EIF2AK4: variants seen among roughly 807,000 people sequenced by gnomAD.
EIF2AK4 encodes eukaryotic translation initiation factor 2 alpha kinase 4.
A neutral mutation model predicts 211.1 loss-of-function variants in EIF2AK4; 139 were observed. The ratio of observed to expected loss-of-function variants is 0.66; its 90% CI spans 0.57 to 0.76. EIF2AK4 has a LOEUF of 0.76. Among genes scored for constraint, EIF2AK4 ranks in the 30% least tolerant of loss-of-function variants. The probability of loss-of-function intolerance (pLI) is 0.00; values close to 1 mark genes in which losing one functional copy is unlikely to be tolerated. For synonymous variants in EIF2AK4, 710 were observed against 751.3 expected (o/e 0.94, Z 0.90); for missense variants, 1,664 against 2,043.8 (o/e 0.81, Z 3.58).
chr15:39,965,863 G>T lies in EIF2AK4; in HGVS notation c.1017+20G>T. On this transcript the variant is annotated intron_variant, in intron 8 of 38. Coordinates refer to ENST00000263791, the MANE Select transcript of EIF2AK4 (RefSeq NM_001013703.4). ...AAGCAGGTAAGCATCCAAGGTGGCT[G>T]ACTGAGCAAAAGGCCTAATCTCAGG... The T allele has an allele frequency of 6.2e-7, 1 of 1,612,606 alleles. No homozygotes were observed. Among genetic ancestry groups the T allele is most frequent in the Non-Finnish European group, 8.5e-7 (1 of 1,179,648 alleles).
chr15:39,967,890 C>T lies in EIF2AK4; in HGVS notation c.1553+11C>T, dbSNP rs144441657. The T allele has an allele frequency of 1.2e-5, 19 of 1,612,360 alleles. No homozygotes were observed. The highest frequency in any genetic ancestry group is 1.7e-4 in the Middle Eastern group (1 of 6,058). On this transcript the variant is annotated intron_variant, in intron 9 of 38. Transcript: ENST00000263791. ...AGATTTTCTAAAGAAGTGAGTATCACTGAGATTCTCTCTAATAGCACTTTA... is the reference window on the plus strand; with the variant it reads ...AGATTTTCTAAAGAAGTGAGTATCATTGAGATTCTCTCTAATAGCACTTTA...
chr15:39,976,562 TCGAGCGGCA>T lies in EIF2AK4; in HGVS notation c.1976_1984del (p.His659_Arg661del), dbSNP rs762491649. The stretch of plus-strand genomic sequence containing the variant: ...ATTGTGCGCTACTACAACGCCTGGA[TCGAGCGGCA>T]CGAGCGGCCGGCGGGACCGGGGACG... On this transcript the variant is annotated inframe_deletion, in exon 12 of 39. Coordinates refer to ENST00000263791, the MANE Select transcript of EIF2AK4 (RefSeq NM_001013703.4). 5 of 1,612,464 alleles carry T rather than the reference TCGAGCGGCA, an allele frequency of 3.1e-6. No individual in the cohort carries two copies. In the African/African-American group the frequency reaches 5.3e-5, roughly 17 times the overall value.
At position 39,937,762 on chromosome 15, in the gene EIF2AK4, G is replaced by C. The variant is rs554252488; in HGVS notation, c.145-1743G>C. 3.3e-5 allele frequency among the ~76,000 whole-genome samples: 5 copies of C among 152,084 alleles called. No individual in the cohort carries two copies. The South Asian group carries it at 6.2e-4, about 19-fold the overall frequency. Reference sequence around the variant, plus strand: ...TTCGTTCCATCAAAGTACGGGCCTAGGCCACCTCCCCGTGTGCATCCCTCC... The same window carrying C: ...TTCGTTCCATCAAAGTACGGGCCTACGCCACCTCCCCGTGTGCATCCCTCC... On this transcript the variant is annotated intron_variant, in intron 1 of 38. Transcript: ENST00000263791.
intron 18 of EIF2AK4, among the ~76,000 whole-genome samples, chr15:39,996,574 G>C (rs1566998525): frequency 6.6e-6 from 1 of 152,240 alleles, no homozygotes; most frequent in East Asian, 1.9e-4. Context: ...AGCTGGGCAT[G>C]GTGGTGCACA....
chr15:39,955,562 A>G, intron 5 of EIF2AK4, 58 bp from the exon 6 acceptor site: 1 of 1,529,270 alleles, frequency 6.5e-7, no homozygotes, highest in East Asian at 2.4e-5. Context: ...ATTATGTACC[A>G]TGATTTTCTT....
rs745911834 is a variant in EIF2AK4 at position 40,029,478 on chromosome 15, T to C, written c.4561+14T>C. On this transcript the variant is annotated intron_variant, in intron 34 of 38. Coordinates refer to ENST00000263791, the MANE Select transcript of EIF2AK4 (RefSeq NM_001013703.4). ...CTAATGCTTCAGGTATAATTACTAA[T>C]TATAATCTGAACATAATGATGCTTA... The C allele has an allele frequency of 1.9e-6, 3 of 1,611,568 alleles. No homozygotes were observed. The highest frequency in any genetic ancestry group is 2.5e-6 in the Non-Finnish European group (3 of 1,178,984).
intron 10 of EIF2AK4, 63 bp downstream of exon 10, chr15:39,973,077 C>A: frequency 7.1e-7 from 1 of 1,412,620 alleles, no homozygotes; most frequent in Non-Finnish European, 1.0e-6. Context: ...TGAAAGTATA[C>A]ATAAACCAAA....
At chr15:39,979,189 TG>T (rs1412409475) in intron 13 of EIF2AK4, among the ~76,000 whole-genome samples, 3 of 152,134 alleles carry the variant, frequency 2.0e-5, no homozygotes, top group African/African-American at 7.2e-5. Flanking sequence ...AGCAAAGATG[TG>T]GGAAGTAGAA....
intron 9 of EIF2AK4, among the ~76,000 whole-genome samples, chr15:39,969,898 A>T (rs1042297503): frequency 2.0e-5 from 3 of 152,186 alleles, no homozygotes; most frequent in African/African-American, 7.2e-5. Context: ...TTTTGTTTCA[A>T]ATCAGCCTCT....
intron 6 of EIF2AK4, among the ~76,000 whole-genome samples, chr15:39,958,120 C>A (rs1418282648): frequency 6.6e-6 from 1 of 152,180 alleles, no homozygotes; most frequent in African/African-American, 2.4e-5. Flanking sequence ...GTGTACAGTT[C>A]AGCGTGAGGC....
At chr15:39,997,359 C>A (rs2035031513) in intron 19 of EIF2AK4, among the ~76,000 whole-genome samples, 1 of 152,174 alleles carries the variant, frequency 6.6e-6, no homozygotes, top group Non-Finnish European at 1.5e-5. Context: ...ACTATGTTTC[C>A]ACAGTGAGGT....
chr15:40,019,288 G>T, intron 30 of EIF2AK4, 88 bp downstream of exon 30: 1 of 985,534 alleles, frequency 1.0e-6, no homozygotes. Context: ...TTTACATGGG[G>T]CTTCTGATGT....
chr15:40,017,551 A>ATATATATACATGTATATG (rs71132134), intron 29 of EIF2AK4, among the ~76,000 whole-genome samples: 1 of 87,094 alleles, frequency 1.1e-5, no homozygotes, highest in African/African-American at 4.5e-5. Context: ...ATATATATAT[A>ATATATATACATGTATATG]TATGTATTTT....
intron 32 of EIF2AK4, among the ~76,000 whole-genome samples, 153 bp downstream of exon 32, chr15:40,022,758 C>A (rs1381509658): frequency 1.3e-5 from 2 of 151,266 alleles, no homozygotes. Flanking sequence ...TTTTTTGAGA[C>A]GGAGTCTCGC....
chr15:39,955,858 C>T lies in EIF2AK4; in HGVS notation c.743+90C>T, dbSNP rs1285797581. On this transcript the variant is annotated intron_variant, in intron 6 of 38. Coordinates refer to ENST00000263791, the MANE Select transcript of EIF2AK4 (RefSeq NM_001013703.4). ...ATGTAGTGAAATTTGATGGAAATTT[C>T]AGGCGATAGTCTTAATAACTTTTTT... is the stretch of plus-strand genomic sequence containing the variant. 3 of 1,403,234 alleles carry T rather than the reference C, an allele frequency of 2.1e-6. No individual in the cohort carries two copies. In the East Asian group the frequency reaches 7.4e-5, roughly 35 times the overall value. 86.9% of individuals were successfully genotyped at this position (1,403,234 alleles called of 1,614,324 possible). A position where few individuals can be genotyped will look rare whatever the true frequency, so the allele number is the denominator to read the frequency against.
chr15:39,945,590 C>T (rs1036954774), intron 3 of EIF2AK4, among the ~76,000 whole-genome samples: 7 of 152,164 alleles, frequency 4.6e-5, no homozygotes, highest in Non-Finnish European at 8.8e-5. Flanking sequence ...CAGCAAGTTA[C>T]CCGGAAAAAC....
At position 40,004,751 on chromosome 15, in the gene EIF2AK4, C is replaced by T. The variant is rs373333476; in HGVS notation, c.3357+1437C>T. ...ATTTTTTTTTGTAGAAACGGGCTCT[C>T]GCTGTGTTGCCCAGGCTGGTCTCAA... On this transcript the variant is annotated intron_variant, in intron 23 of 38. Coordinates refer to ENST00000263791, the MANE Select transcript of EIF2AK4 (RefSeq NM_001013703.4). Among the ~76,000 whole-genome samples, 7 of 152,122 alleles carry T rather than the reference C, an allele frequency of 4.6e-5. No individual in the cohort carries two copies. In the East Asian group the frequency reaches 1.2e-3, roughly 25 times the overall value.
At chr15:40,009,861 T>C in intron 26 of EIF2AK4, 131 bp downstream of exon 26, 1 of 670,714 alleles carries the variant, frequency 1.5e-6, no homozygotes, top group East Asian at 2.7e-5. Context: ...CCTTCCTTCA[T>C]TGCTCTAAAT....
intron 7 of EIF2AK4, among the ~76,000 whole-genome samples, chr15:39,962,433 G>A (rs2034485989): frequency 6.6e-6 from 1 of 152,166 alleles, no homozygotes; most frequent in Non-Finnish European, 1.5e-5. Flanking sequence ...TCAAATGTAT[G>A]TAACAAAGTG....
Sources: gnomAD v4.1 joint callset for allele counts (sites outside exome capture counted in the v4.1 genomes callset) on GRCh38, gnomAD v4.1.1 for gene constraint, MANE v1.5 for transcripts, NCBI Gene and HGNC (gene_info 2026-07-23, HGNC 2026-07-21) for gene names.